Variants in CEACAM6 observed in about 807,000 individuals in gnomAD.
CEACAM6 encodes cell adhesion molecule CEACAM6.
In CEACAM6, 21 loss-of-function variants were observed where a neutral mutation model predicts 32.4. The ratio of observed to expected loss-of-function variants is 0.65; its 90% CI spans 0.46 to 0.93. The LOEUF is 0.93. Among genes scored for constraint, CEACAM6 ranks in the 40% least tolerant of loss-of-function variants. The pLI, the probability that CEACAM6 is intolerant of heterozygous loss-of-function variation, is 0.00. For missense variants in CEACAM6, 406 were observed against 432.2 expected, an observed-to-expected ratio of 0.94 and a Z score of 0.54; for synonymous variants, 184 against 174.4, an observed-to-expected ratio of 1.06 and a Z score of -0.43.
intron 4 of CEACAM6, among the ~76,000 whole-genome samples, chr19:41,764,545 C>T (rs2072945709): frequency 6.6e-6 from 1 of 152,170 alleles, no homozygotes; most frequent in Admixed American, 6.5e-5. Context: ...ATCCTCTGAC[C>T]TACCAGGGTG....
intron 2 of CEACAM6, among the ~76,000 whole-genome samples, chr19:41,758,642 C>T (rs1555821478): frequency 6.6e-6 from 1 of 152,176 alleles, no homozygotes; most frequent in African/African-American, 2.4e-5. Context: ...CCACTGCTCA[C>T]TGCCATGGGT....
At chr19:41,761,855 T>G in intron 3 of CEACAM6, 114 bp from the exon 4 acceptor site, 1 of 1,354,812 alleles carries the variant, frequency 7.4e-7, no homozygotes, top group Non-Finnish European at 1.0e-6. Flanking sequence ...GGGGGTTTGG[T>G]TGAGACTTCA....
chr19:41,761,669 G>A (rs2072925379), intron 3 of CEACAM6, 142 bp downstream of exon 3: 2 of 1,406,074 alleles, frequency 1.4e-6, no homozygotes, highest in South Asian at 1.3e-5. Context: ...GAGCAAACCT[G>A]GGCAGACCAG....
chr19:41,766,189 C>A lies in CEACAM6; in HGVS notation c.965C>A (p.Ala322Asp), dbSNP rs1555822375. The A allele has an allele frequency of 6.2e-7, 1 of 1,606,510 alleles. No homozygotes were observed. The highest frequency in any genetic ancestry group is 1.7e-5 in the Admixed American group (1 of 58,788). Reference protein sequence around the residue: ...TVTMITVSGSAPVLSAVATVG... With the variant: ...TVTMITVSGSDPVLSAVATVG... Reference sequence around the variant, plus strand: ...TCTCTCTTCTTCCCACAAGGAAGTGCTCCTGTCCTCTCAGCTGTGGCCACC... The same window carrying A: ...TCTCTCTTCTTCCCACAAGGAAGTGATCCTGTCCTCTCAGCTGTGGCCACC... The change falls in exon 5 of 6, where the codon GCT (alanine) becomes GAT (aspartate). Residue 322 changes from alanine (A) to aspartate (D), a missense_variant. Ala to Asp is a moderately radical substitution (Grantham distance 126). Coordinates refer to ENST00000199764, the MANE Select transcript of CEACAM6 (RefSeq NM_002483.7).
At chr19:41,766,457 T>G (rs1377031445) in intron 5 of CEACAM6, among the ~76,000 whole-genome samples, 158 bp downstream of exon 5, 1 of 152,208 alleles carries the variant, frequency 6.6e-6, no homozygotes, top group Non-Finnish European at 1.5e-5. Context: ...TCTTCCCTGG[T>G]CTTCATGCTC....
rs782295164 is a variant in CEACAM6, at chr19:41,755,613, G to C, written c.-26G>C. 1.1e-5 allele frequency: 17 copies of C among 1,611,170 alleles called. No homozygotes were observed. Among genetic ancestry groups the C allele is most frequent in the Non-Finnish European group, 1.4e-5 (16 of 1,178,038 alleles). The stretch of plus-strand genomic sequence containing the variant: ...TGGAGCTCAAGCTCCTCTACAAAGA[G>C]GTGGACAGAGAAGACAGCAGAGACC... On this transcript the variant is annotated 5_prime_UTR_variant, in exon 1 of 6. Transcript: ENST00000199764.
At chr19:41,770,507 G>T (rs1351538337) in intron 5 of CEACAM6, among the ~76,000 whole-genome samples, 5 of 152,072 alleles carry the variant, frequency 3.3e-5, no homozygotes, top group African/African-American at 1.2e-4. Context: ...AACTTGGGAG[G>T]TGGAGGTTGC....
intron 5 of CEACAM6, among the ~76,000 whole-genome samples, chr19:41,767,334 C>T (rs1355591066): frequency 6.6e-6 from 1 of 152,142 alleles, no homozygotes; most frequent in Non-Finnish European, 1.5e-5. Flanking sequence ...GAACTTTGGA[C>T]ACATCCTGCA....
intron 4 of CEACAM6, among the ~76,000 whole-genome samples, chr19:41,763,148 G>A (rs1358277124): frequency 1.3e-5 from 2 of 152,112 alleles, no homozygotes; most frequent in African/African-American, 4.8e-5. Flanking sequence ...CACGTGTGCA[G>A]GTCCGTAGTA....
intron 5 of CEACAM6, among the ~76,000 whole-genome samples, chr19:41,768,655 C>T: frequency 6.6e-6 from 1 of 151,868 alleles, no homozygotes; most frequent in East Asian, 2.0e-4. Context: ...AGAGGGGCTC[C>T]TCACTTCCCA....
At chr19:41,770,255 C>CAAAAAAA (rs1158293587) in intron 5 of CEACAM6, among the ~76,000 whole-genome samples, 1 of 40,528 alleles carries the variant, frequency 2.5e-5, no homozygotes, top group Non-Finnish European at 6.2e-5. Context: ...GCTAAAAATA[C>CAAAAAAA]AAAAAAAAAA....
chr19:41,765,358 T>C (rs2072950086), intron 4 of CEACAM6, among the ~76,000 whole-genome samples: 2 of 152,120 alleles, frequency 1.3e-5, no homozygotes, highest in South Asian at 4.1e-4. Flanking sequence ...AGATGACTGG[T>C]GAGGGCTAAG....
intron 2 of CEACAM6, among the ~76,000 whole-genome samples, chr19:41,759,535 A>G (rs1221580434): frequency 1.3e-5 from 2 of 152,164 alleles, no homozygotes; most frequent in Admixed American, 6.5e-5. Context: ...TACTGGTTCT[A>G]TCCTCCTAAG....
intron 5 of CEACAM6, among the ~76,000 whole-genome samples, chr19:41,766,527 G>C (rs1350867680): frequency 6.6e-6 from 1 of 152,060 alleles, no homozygotes; most frequent in Non-Finnish European, 1.5e-5. Context: ...TTGTTTCCTA[G>C]AGTCAATACA....
intron 2 of CEACAM6, among the ~76,000 whole-genome samples, chr19:41,760,280 T>G (rs188248305): frequency 2.6e-4 from 39 of 152,348 alleles, no homozygotes; most frequent in Admixed American, 2.4e-3. Flanking sequence ...TGTGAGTGAC[T>G]TATTGCATTT....
At chr19:41,767,979 T>C (rs1451599296) in intron 5 of CEACAM6, among the ~76,000 whole-genome samples, 1 of 152,216 alleles carries the variant, frequency 6.6e-6, no homozygotes, top group South Asian at 2.1e-4. Context: ...CCAAAAATTA[T>C]AAGAGATTCC....
At chr19:41,769,718 AT>A (rs200293798) in intron 5 of CEACAM6, among the ~76,000 whole-genome samples, 3,198 of 118,262 alleles carry the variant, frequency 0.027, 109 homozygotes, top group African/African-American at 0.065. Context: ...TGCACAAAAA[AT>A]ATAGTTATTA....
At chr19:41,759,269 T>C (rs1258967094) in intron 2 of CEACAM6, among the ~76,000 whole-genome samples, 2 of 152,220 alleles carry the variant, frequency 1.3e-5, no homozygotes, top group African/African-American at 2.4e-5. Context: ...GACTGAGAAG[T>C]GCACCAGCCA....
Position 41,762,073 on chromosome 19 carries a change from T to C in CEACAM6, c.808T>C (p.Ser270Pro). The C allele has an allele frequency of 6.2e-7, 1 of 1,614,186 alleles. No individual in the cohort carries two copies. Among genetic ancestry groups the C allele is most frequent in the Non-Finnish European group, 8.5e-7 (1 of 1,180,028 alleles). ...AGCCTCTAACCCACCTGCACAGTAC[T>C]CTTGGTTTATCAATGGGACGTTCCA... ...HAASNPPAQY[S>P]WFINGTFQQS... Residue 270 changes from serine to proline, a missense_variant, in exon 4 of 6, where the codon TCT becomes CCT. By Grantham distance (74) the Ser-to-Pro change is moderately conservative. Transcript: ENST00000199764.
Sources: gnomAD v4.1 joint callset for allele counts (sites outside exome capture counted in the v4.1 genomes callset) on GRCh38, gnomAD v4.1.1 for gene constraint, MANE v1.5 for transcripts, NCBI Gene and HGNC (gene_info 2026-07-23, HGNC 2026-07-21) for gene names.